SH3PXD2B: variants seen among roughly 807,000 people sequenced by gnomAD.
The protein encoded by SH3PXD2B is SH3 and PX domain-containing protein 2B.
Under a neutral mutation model 73.1 loss-of-function variants are expected in SH3PXD2B, and 37 were observed. That is an observed-to-expected ratio of 0.51 (90% CI 0.39 to 0.67). SH3PXD2B has a LOEUF of 0.67. SH3PXD2B is among the 30% of genes least tolerant of loss of function. The pLI is 0.00. For synonymous variants in SH3PXD2B, 457 were observed against 480.5 expected (o/e 0.95, Z 0.64); for missense variants, 1,053 against 1,197.8 (o/e 0.88, Z 1.78).
intron 2 of SH3PXD2B, among the ~76,000 whole-genome samples, chr5:172,411,938 A>G (rs760248432): frequency 6.6e-6 from 1 of 152,038 alleles, no homozygotes; most frequent in African/African-American, 2.4e-5. Context: ...GAACCTCTTC[A>G]TCATCCAAAA....
chr5:172,340,467 G>A (rs2113258433), intron 12 of SH3PXD2B, among the ~76,000 whole-genome samples: 1 of 152,236 alleles, frequency 6.6e-6, no homozygotes, highest in East Asian at 1.9e-4. Flanking sequence ...TGGATCAGAG[G>A]CACCGGCAGC....
chr5:172,407,066 C>T (rs751830761), intron 2 of SH3PXD2B, among the ~76,000 whole-genome samples: 17 of 152,132 alleles, frequency 1.1e-4, no homozygotes, highest in Middle Eastern at 3.2e-3. Context: ...TACAAAATCA[C>T]GAGGATCTGC....
In SH3PXD2B at chr5:172,394,537, A is replaced by G. The variant is rs376725980; in HGVS notation, c.309+26T>C. The G allele has an allele frequency of 1.9e-6, 3 of 1,611,442 alleles. No homozygotes were observed. In the African/African-American group the frequency reaches 4.0e-5, roughly 22 times the overall value. On this transcript the variant is annotated intron_variant, in intron 4 of 12. Transcript: ENST00000311601. ...AAAACAGAATACACCTACAGGGAAGACTGCGTGGGCATTTCTCAGCCTTAC... is the reference window on the plus strand; with the variant it reads ...AAAACAGAATACACCTACAGGGAAGGCTGCGTGGGCATTTCTCAGCCTTAC...
chr5:172,334,457 A>AG lies in SH3PXD2B; in HGVS notation c.*3911dup. 2.0e-6 allele frequency: 2 copies of AG among 987,654 alleles called. No homozygotes were observed. Among genetic ancestry groups the AG allele is most frequent in the Non-Finnish European group, 2.4e-6 (2 of 831,762 alleles). The allele number at this position is 987,654 out of a possible 1,614,324, so 61.2% of individuals were successfully genotyped here. ...ACGAGGTCATCTTTGGTCTGTGGTGAGGTATGGATGTCTGCAGTCTACACA... is the reference window on the plus strand; with the variant it reads ...ACGAGGTCATCTTTGGTCTGTGGTGAGGGTATGGATGTCTGCAGTCTACACA... On this transcript the variant is annotated 3_prime_UTR_variant, in exon 13 of 13. Coordinates refer to ENST00000311601, the MANE Select transcript of SH3PXD2B (RefSeq NM_001017995.3).
chr5:172,380,234 T>C lies in SH3PXD2B; in HGVS notation c.401+1802A>G, dbSNP rs557869595. Among the ~76,000 whole-genome samples the C allele has an allele frequency of 1.3e-3, 189 of 149,514 alleles. 1 individual carries two copies. Among genetic ancestry groups the C allele is most frequent in the Non-Finnish European group, 2.4e-3 (159 of 67,426 alleles). ...CACTATGCCCGGCTAATTTTTTTTT[T>C]ATTTTTAGTAGAGACAGGATCTGAC... On this transcript the variant is annotated intron_variant, in intron 5 of 12. Transcript: ENST00000311601.
intron 12 of SH3PXD2B, among the ~76,000 whole-genome samples, chr5:172,340,604 CT>C (rs201116581): frequency 1.3e-5 from 2 of 151,790 alleles, no homozygotes; most frequent in South Asian, 2.1e-4. Flanking sequence ...AGAGACCTAC[CT>C]TTTTTTTGAG....
At chr5:172,449,794 A>G (rs1182166930) in intron 1 of SH3PXD2B, among the ~76,000 whole-genome samples, 2 of 152,104 alleles carry the variant, frequency 1.3e-5, no homozygotes, top group Non-Finnish European at 2.9e-5. Flanking sequence ...AAACCCCAAG[A>G]CCGTGGGACC....
chr5:172,367,721 T>C (rs535364899), intron 6 of SH3PXD2B, among the ~76,000 whole-genome samples: 10 of 152,038 alleles, frequency 6.6e-5, no homozygotes, highest in Admixed American at 1.3e-4. Context: ...GGGATATAAG[T>C]GTGGAATTGT....
chr5:172,354,304 A>G (rs1469472493), intron 8 of SH3PXD2B, among the ~76,000 whole-genome samples: 1 of 152,144 alleles, frequency 6.6e-6, no homozygotes, highest in Non-Finnish European at 1.5e-5. Flanking sequence ...CATGCATGGC[A>G]TTCTCATGCC....
rs1223780064 is a variant in SH3PXD2B at position 172,434,893 on chromosome 5, C to T, written c.76-12397G>A. Reference sequence around the variant, plus strand: ...CCACCTCCCAGGTTCAAGTGATTCTCATGCCTCAGTCTCCCAAGTAGCTGG... The same window carrying T: ...CCACCTCCCAGGTTCAAGTGATTCTTATGCCTCAGTCTCCCAAGTAGCTGG... On this transcript the variant is annotated intron_variant, in intron 1 of 12. Coordinates refer to ENST00000311601, the MANE Select transcript of SH3PXD2B (RefSeq NM_001017995.3). Among the ~76,000 whole-genome samples, 4 of 151,696 alleles carry T rather than the reference C, an allele frequency of 2.6e-5. No homozygotes were observed. The East Asian group carries it at 7.8e-4, about 30-fold the overall frequency.
Position 172,339,189 on chromosome 5 carries a change from C to G in SH3PXD2B, c.1916G>C (p.Arg639Thr), listed in dbSNP as rs563300243. Residue 639 changes from arginine to threonine, a missense_variant, in exon 13 of 13, where the codon AGA (arginine) becomes ACA (threonine). By Grantham distance (71) the Arg-to-Thr change is moderately conservative. Transcript: ENST00000311601. The surrounding 1 kb of genome is among the most constrained non-coding windows in gnomAD (Gnocchi z 6.1). ...AGCTGGTTTTGGCCTAACCTGAGGT[C>G]TGGACTTCAAGAAGGGATTCTGGGG... ...ATPQNPFLKS[R>T]PQVRPKPAPS... 1.9e-6 allele frequency: 3 copies of G among 1,614,090 alleles called. No homozygotes were observed. The highest frequency in any genetic ancestry group is 1.6e-4 in the Middle Eastern group (1 of 6,084).
At position 172,337,364 on chromosome 5, in the gene SH3PXD2B, T is replaced by C. The variant is rs1756727092; in HGVS notation, c.*1005A>G. 2 of 984,714 alleles carry C rather than the reference T, an allele frequency of 2.0e-6. No individual in the cohort carries two copies. Among genetic ancestry groups the C allele is most frequent in the African/African-American group, 3.5e-5 (2 of 57,328 alleles). 61.0% of individuals were successfully genotyped at this position (984,714 alleles called of 1,614,324 possible). On this transcript the variant is annotated 3_prime_UTR_variant, in exon 13 of 13. Transcript: ENST00000311601. ...GAAGTCAGGCAGGCCTGGACTCAAA[T>C]CCTCTTCCCTCTTCCTCCTGGCTGG... is the stretch of plus-strand genomic sequence containing the variant.
chr5:172,418,918 C>T (rs191107816), intron 2 of SH3PXD2B, among the ~76,000 whole-genome samples: 2 of 152,192 alleles, frequency 1.3e-5, no homozygotes, highest in Non-Finnish European at 1.5e-5. Flanking sequence ...GGCCTTGGGA[C>T]AGGAAGACCC....
chr5:172,389,538 C>A (rs1239201750), intron 4 of SH3PXD2B, among the ~76,000 whole-genome samples: 3 of 135,958 alleles, frequency 2.2e-5, no homozygotes, highest in African/African-American at 8.5e-5. Context: ...CGAGACCAGC[C>A]TGGACAACAT....
intron 4 of SH3PXD2B, among the ~76,000 whole-genome samples, 161 bp from the exon 5 acceptor site, chr5:172,382,288 A>G (rs1471889624): frequency 4.6e-5 from 7 of 152,112 alleles, no homozygotes; most frequent in Non-Finnish European, 4.4e-5. Context: ...TGCACTCCAG[A>G]CTGGGTGACA....
In SH3PXD2B at chr5:172,339,593, C is replaced by G. The variant is rs140645910; in HGVS notation, c.1512G>C (p.Ala504=). 1 of 1,614,124 alleles carries G rather than the reference C, an allele frequency of 6.2e-7. No homozygotes were observed. The highest frequency in any genetic ancestry group is 1.3e-5 in the African/African-American group (1 of 74,950). The part of the protein sequence containing the change: ...VLRKASSDMS[A]SAGYEEISDP... ...CTGAGATCTCCTCGTAGCCTGCTGA[C>G]GCAGACATGTCTGAAGATGCCTTCC... Residue 504 remains alanine, a synonymous_variant, in exon 13 of 13, where the codon GCG becomes GCC. Coordinates refer to ENST00000311601, the MANE Select transcript of SH3PXD2B (RefSeq NM_001017995.3). The surrounding 1 kb of genome is among the most constrained non-coding windows in gnomAD (Gnocchi z 6.1).
At chr5:172,397,850 G>A (rs377238505) in intron 3 of SH3PXD2B, among the ~76,000 whole-genome samples, 2 of 152,138 alleles carry the variant, frequency 1.3e-5, no homozygotes, top group African/African-American at 4.8e-5. Context: ...TCCTGGGCTC[G>A]GTCTCGGTCC....
chr5:172,401,627 C>T lies in SH3PXD2B; in HGVS notation c.232+4650G>A, dbSNP rs770711821. Among the ~76,000 whole-genome samples the T allele has an allele frequency of 7.2e-5, 11 of 152,234 alleles. No homozygotes were observed. The East Asian group carries it at 1.3e-3, about 19-fold the overall frequency. On this transcript the variant is annotated intron_variant, in intron 3 of 12. Coordinates refer to ENST00000311601, the MANE Select transcript of SH3PXD2B (RefSeq NM_001017995.3). Reference sequence around the variant, plus strand: ...AGATGTTGTAGGAAGTCAGGGACCCCGAACGAAGGGACCAGCTGAAGCCGT... The same window carrying T: ...AGATGTTGTAGGAAGTCAGGGACCCTGAACGAAGGGACCAGCTGAAGCCGT...
intron 12 of SH3PXD2B, among the ~76,000 whole-genome samples, chr5:172,326,016 A>C (rs1219506447): frequency 6.6e-6 from 1 of 152,016 alleles, no homozygotes; most frequent in Non-Finnish European, 1.5e-5. Flanking sequence ...CGAGCTCCCG[A>C]CCTCAGGTGA....
Sources: gnomAD v4.1 joint callset for allele counts (sites outside exome capture counted in the v4.1 genomes callset) on GRCh38, gnomAD v4.1.1 for gene constraint, Gnocchi (gnomAD v3.1) non-coding constraint, MANE v1.5 for transcripts, NCBI Gene and HGNC (gene_info 2026-07-23, HGNC 2026-07-21) for gene names.